Variants in SLC16A12 observed in about 807,000 individuals in gnomAD.
SLC16A12 encodes the protein monocarboxylate transporter 12.
In SLC16A12, 17 loss-of-function variants were observed where a neutral mutation model predicts 42.4. That is an observed-to-expected ratio of 0.40 (90% CI 0.27 to 0.60). The LOEUF is 0.60. Among genes scored for constraint, SLC16A12 ranks in the 20% least tolerant of loss-of-function variants. SLC16A12 has a pLI of 0.42. For missense variants in SLC16A12, 544 were observed against 623.0 expected, an observed-to-expected ratio of 0.87 and a Z score of 1.35; for synonymous variants, 224 against 229.4, an observed-to-expected ratio of 0.98 and a Z score of 0.21.
intron 2 of SLC16A12, among the ~76,000 whole-genome samples, chr10:89,508,394 A>G (rs1797454563): frequency 6.6e-6 from 1 of 152,262 alleles, no homozygotes; most frequent in South Asian, 2.1e-4. Context: ...ACCACAGTGC[A>G]ATCAAATTAG....
intron 3 of SLC16A12, among the ~76,000 whole-genome samples, chr10:89,457,585 C>G (rs937310268): frequency 6.6e-6 from 1 of 152,132 alleles, no homozygotes; most frequent in Admixed American, 6.5e-5. Flanking sequence ...CCTCAAAGAC[C>G]TAGAACCAGA....
At chr10:89,492,909 G>C (rs1216890801) in intron 2 of SLC16A12, among the ~76,000 whole-genome samples, 1 of 151,904 alleles carries the variant, frequency 6.6e-6, no homozygotes, top group Non-Finnish European at 1.5e-5. Context: ...TCTCCTCCTG[G>C]GGAGGCCTGG....
chr10:89,462,241 G>C (rs1029077138), intron 3 of SLC16A12, 138 bp downstream of exon 3: 1 of 1,175,612 alleles, frequency 8.5e-7, no homozygotes, highest in Non-Finnish European at 1.2e-6. Context: ...GATACCTGAA[G>C]AGTCAACGGA....
chr10:89,513,232 C>A (rs948209478), intron 2 of SLC16A12, among the ~76,000 whole-genome samples: 10 of 152,156 alleles, frequency 6.6e-5, no homozygotes, highest in Admixed American at 3.9e-4. Flanking sequence ...CATAATGATA[C>A]CATGGATGTA....
intron 3 of SLC16A12, among the ~76,000 whole-genome samples, chr10:89,460,878 T>A (rs886125102): frequency 6.6e-6 from 1 of 151,944 alleles, no homozygotes; most frequent in African/African-American, 2.4e-5. Context: ...TCACTCAGCA[T>A]CAATTATATT....
chr10:89,430,951 T>C lies in SLC16A12; in HGVS notation c.*2113A>G. ...AATGATATTTAGGGCAAAGTGCTATTCCAAACAGATATAACTTCATCTTAA... is the reference window on the plus strand; with the variant it reads ...AATGATATTTAGGGCAAAGTGCTATCCCAAACAGATATAACTTCATCTTAA... On this transcript the variant is annotated 3_prime_UTR_variant, in exon 8 of 8. Transcript: ENST00000371790. 3.0e-6 allele frequency: 1 copy of C among 327,998 alleles called. No homozygotes were observed. Among genetic ancestry groups the C allele is most frequent in the Non-Finnish European group, 5.8e-6 (1 of 171,150 alleles). The allele number at this position is 327,998 out of a possible 1,614,324, so 20.3% of individuals were successfully genotyped here.
chr10:89,515,781 G>A (rs1005693397), intron 2 of SLC16A12, among the ~76,000 whole-genome samples: 53 of 152,222 alleles, frequency 3.5e-4, no homozygotes, highest in Non-Finnish European at 6.3e-4. Flanking sequence ...AAATCACTAA[G>A]TCATCATGAA....
chr10:89,497,954 T>A (rs1034433315), intron 2 of SLC16A12, among the ~76,000 whole-genome samples: 5 of 152,200 alleles, frequency 3.3e-5, no homozygotes, highest in Non-Finnish European at 7.3e-5. Flanking sequence ...TTATTTTATC[T>A]ACGTCTGTAC....
At chr10:89,542,581 C>T (rs1030710632) in intron 2 of SLC16A12, among the ~76,000 whole-genome samples, 2 of 152,094 alleles carry the variant, frequency 1.3e-5, no homozygotes, top group Non-Finnish European at 1.5e-5. Flanking sequence ...TGGGATTACA[C>T]GTGTGAGCCA....
intron 3 of SLC16A12, among the ~76,000 whole-genome samples, chr10:89,460,151 A>G (rs1842273078): frequency 6.6e-6 from 1 of 152,122 alleles, no homozygotes; most frequent in Non-Finnish European, 1.5e-5. Flanking sequence ...TTCCAGCATG[A>G]TCCCTCCTTC....
chr10:89,514,581 C>A (rs1183499733), intron 2 of SLC16A12, among the ~76,000 whole-genome samples: 1 of 152,164 alleles, frequency 6.6e-6, no homozygotes, highest in African/African-American at 2.4e-5. Flanking sequence ...ATTTTTCTCT[C>A]TTCCTGTTCT....
chr10:89,551,862 T>A (rs1037040484), intron 2 of SLC16A12, among the ~76,000 whole-genome samples: 2 of 152,250 alleles, frequency 1.3e-5, no homozygotes, highest in Admixed American at 6.5e-5. Context: ...TATGTCTTTA[T>A]CAGCAGCATG....
intron 2 of SLC16A12, among the ~76,000 whole-genome samples, chr10:89,554,048 G>GAAAGAA (rs1432737411): frequency 7.1e-5 from 4 of 56,710 alleles, no homozygotes; most frequent in African/African-American, 3.0e-4. Flanking sequence ...AAGAAAGAAA[G>GAAAGAA]AAAGAAAGAA....
chr10:89,519,729 CA>C (rs1843318776), intron 2 of SLC16A12, among the ~76,000 whole-genome samples: 1 of 150,850 alleles, frequency 6.6e-6, no homozygotes, highest in Non-Finnish European at 1.5e-5. Flanking sequence ...ATTGTCATTG[CA>C]GGGGGTGGGG....
chr10:89,433,169 C>G lies in SLC16A12; in HGVS notation c.1446G>C (p.Leu482=). 6.2e-7 allele frequency: 1 copy of G among 1,614,192 alleles called. No individual in the cohort carries two copies. Among genetic ancestry groups the G allele is most frequent in the Non-Finnish European group, 8.5e-7 (1 of 1,180,040 alleles). ...QFIAKESDPK[L]QLWTNGSVAY... ...CCACTGATCCATTGGTCCATAGCTG[C>G]AGCTTAGGATCAGATTCTTTGGCAA... The change falls in exon 8 of 8, where the codon CTG becomes CTC. Residue 482 remains leucine, a synonymous_variant. Transcript: ENST00000371790.
intron 2 of SLC16A12, among the ~76,000 whole-genome samples, chr10:89,477,564 C>CAAAAAA (rs34204051): frequency 1.2e-4 from 6 of 49,236 alleles, no homozygotes; most frequent in African/African-American, 3.3e-4. Context: ...AACTCTGTCT[C>CAAAAAA]AAAAAAAAAA....
chr10:89,473,961 A>C (rs1277192820), intron 2 of SLC16A12, among the ~76,000 whole-genome samples: 1 of 151,852 alleles, frequency 6.6e-6, no homozygotes, highest in African/African-American at 2.4e-5. Context: ...TATCAGCCTC[A>C]CTCCTAGCCC....
chr10:89,486,206 C>G (rs1842738745), intron 2 of SLC16A12, among the ~76,000 whole-genome samples: 1 of 151,962 alleles, frequency 6.6e-6, no homozygotes, highest in Non-Finnish European at 1.5e-5. Flanking sequence ...AGCTCACTGC[C>G]TGGTACTGAG....
At chr10:89,536,332 G>T (rs1843661546), upstream of SLC16A12, among the ~76,000 whole-genome samples, 1 of 152,066 alleles carries the variant, frequency 6.6e-6, no homozygotes, top group Non-Finnish European at 1.5e-5. Context: ...AGTGAAAAGC[G>T]TTATCTCTTG....
Sources: gnomAD v4.1 joint callset for allele counts (sites outside exome capture counted in the v4.1 genomes callset) on GRCh38, gnomAD v4.1.1 for gene constraint, MANE v1.5 for transcripts, NCBI Gene and HGNC (gene_info 2026-07-23, HGNC 2026-07-21) for gene names.